Variants in ZBTB8B observed in about 807,000 individuals in gnomAD.
ZBTB8B encodes the protein zinc finger and BTB domain containing 8B, also known as zinc finger and BTB domain-containing protein 8B.
A neutral mutation model predicts 30.3 loss-of-function variants in ZBTB8B; 17 were observed. That is an observed-to-expected ratio of 0.56 (90% CI 0.38 to 0.84). The LOEUF (loss-of-function observed/expected upper bound fraction) is 0.84. Ranked by LOEUF, ZBTB8B falls within the 40% of genes least tolerant of loss-of-function variation. ZBTB8B has a pLI of 0.00. For missense variants in ZBTB8B, 515 were observed against 644.9 expected (o/e 0.80, Z 2.18); for synonymous variants, 248 against 255.6 (o/e 0.97, Z 0.28).
intron 3 of ZBTB8B, 50 bp from the exon 4 acceptor site, chr1:32,485,051 A>G: frequency 3.9e-6 from 6 of 1,528,536 alleles, no homozygotes; most frequent in Non-Finnish European, 4.4e-6. Context: ...CTTGTGGAAA[A>G]CACTCATCTC....
intron 2 of ZBTB8B, among the ~76,000 whole-genome samples, chr1:32,473,488 C>T (rs1643639037): frequency 6.8e-6 from 1 of 147,048 alleles, no homozygotes; most frequent in African/African-American, 2.5e-5. Context: ...TATTTTTATT[C>T]ATTACTAAAT....
intron 2 of ZBTB8B, among the ~76,000 whole-genome samples, chr1:32,475,963 G>A (rs1474214497): frequency 6.6e-6 from 1 of 151,234 alleles, no homozygotes; most frequent in East Asian, 2.0e-4. Flanking sequence ...AATTACCGGC[G>A]GGCATCACCA....
Position 32,485,376 on chromosome 1 carries a change from A to G in ZBTB8B, c.1446A>G (p.Pro482=), listed in dbSNP as rs1305370150. 5 of 1,552,034 alleles carry G rather than the reference A, an allele frequency of 3.2e-6. No individual in the cohort carries two copies. The Admixed American group carries it at 7.8e-5, about 24-fold the overall frequency. Residue 482 remains proline (P), a synonymous_variant, in exon 4 of 4, where the codon CCA becomes CCG. Coordinates refer to ENST00000609129, the MANE Select transcript of ZBTB8B (RefSeq NM_001145720.2). Reference sequence around the variant, plus strand: ...CTGGAGATGATTCTGATGACAAACCACAAATTCAGCCTAACTTATCAGACC... The same window carrying G: ...CTGGAGATGATTCTGATGACAAACCGCAAATTCAGCCTAACTTATCAGACC... ...DPAGDDSDDK[P]QIQPNLSDRE...
In ZBTB8B at chr1:32,487,475, T is replaced by C. The variant is rs2148187752; in HGVS notation, c.*2057T>C. 6.6e-6 allele frequency: 1 copy of C among 152,402 alleles called. No individual in the cohort carries two copies. Among genetic ancestry groups the C allele is most frequent in the South Asian group, 2.1e-4 (1 of 4,822 alleles). The allele number at this position is 152,402 out of a possible 1,614,324, so 9.4% of individuals were successfully genotyped here. ...GGTGCAGAGGTTGGATACCAGCCTG[T>C]ACAGCAGGACCACGTATTGGTCTGC... On this transcript the variant is annotated 3_prime_UTR_variant, in exon 4 of 4. Coordinates refer to ENST00000609129, the MANE Select transcript of ZBTB8B (RefSeq NM_001145720.2).
Position 32,488,822 on chromosome 1 carries a change from G to A in ZBTB8B, c.*3404G>A, listed in dbSNP as rs1333627802. ...ATTTATTTATTTATTTTGAGATGGA[G>A]TTTCATCTTTGTCACCCAGGCTGGA... On this transcript the variant is annotated 3_prime_UTR_variant, in exon 4 of 4. Coordinates refer to ENST00000609129, the MANE Select transcript of ZBTB8B (RefSeq NM_001145720.2). 1 of 152,048 alleles carries A rather than the reference G, an allele frequency of 6.6e-6. No individual in the cohort carries two copies. The highest frequency in any genetic ancestry group is 1.5e-5 in the Non-Finnish European group (1 of 68,014). 9.4% of individuals were successfully genotyped at this position (152,048 alleles called of 1,614,324 possible).
chr1:32,485,078 A>C, intron 3 of ZBTB8B, 23 bp from the exon 4 acceptor site: 1 of 1,548,160 alleles, frequency 6.5e-7, no homozygotes, highest in Non-Finnish European at 8.7e-7. Context: ...TGTGACATCT[A>C]CTGTGTCTGC....
rs528623689 is a variant in ZBTB8B, at chr1:32,467,847, T to C, written c.-41-2737T>C. ...CAACTCAGAGGCCAGGTGTGGTGTC[T>C]CACACCTGTAACCCCAGCACTTTAG... On this transcript the variant is annotated intron_variant, in intron 1 of 3. Transcript: ENST00000609129. Among the ~76,000 whole-genome samples, 457 of 151,800 alleles carry C rather than the reference T, an allele frequency of 3.0e-3. 2 individuals are homozygous for C. Among genetic ancestry groups the C allele is most frequent in the Middle Eastern group, 0.014 (4 of 294 alleles).
chr1:32,474,023 G>A (rs533243554), intron 2 of ZBTB8B, among the ~76,000 whole-genome samples: 1 of 151,478 alleles, frequency 6.6e-6, no homozygotes, highest in African/African-American at 2.4e-5. Context: ...GCTAGTTTTT[G>A]TAGTTTTAGT....
In ZBTB8B at chr1:32,494,726, T is replaced by C. The variant is rs1643804076; in HGVS notation, c.*9308T>C. On this transcript the variant is annotated 3_prime_UTR_variant, in exon 4 of 4. Transcript: ENST00000609129. ...TTTGATTGTAATGTATTCATTTTAC[T>C]TATAAAAAATTTCAAAAGTAAAAAT... The C allele has an allele frequency of 6.6e-6, 1 of 152,186 alleles. No homozygotes were observed. Among genetic ancestry groups the C allele is most frequent in the Non-Finnish European group, 1.5e-5 (1 of 68,030 alleles). The allele number at this position is 152,186 out of a possible 1,614,324, so 9.4% of individuals were successfully genotyped here. A position where few individuals can be genotyped will look rare whatever the true frequency, so the allele number is the denominator to read the frequency against.
rs1313555592 is a variant in ZBTB8B, at chr1:32,470,942, G to A, written c.318G>A (p.Gln106=). ...IEVMSAASYL[Q]MNDVVNFCKT... is the part of the protein sequence containing the mutation. ...TGATGTCGGCTGCCAGCTACCTGCA[G>A]ATGAATGACGTGGTGAACTTCTGCA... is the stretch of plus-strand genomic sequence containing the variant. The change falls in exon 2 of 4, where the codon CAG becomes CAA. Residue 106 remains glutamine (Q), a synonymous_variant. Transcript: ENST00000609129. The A allele has an allele frequency of 6.4e-7, 1 of 1,552,256 alleles. No homozygotes were observed. Among genetic ancestry groups the A allele is most frequent in the Admixed American group, 2.0e-5 (1 of 51,010 alleles).
chr1:32,481,385 T>A (rs1238172315), intron 3 of ZBTB8B, among the ~76,000 whole-genome samples: 1 of 152,146 alleles, frequency 6.6e-6, no homozygotes, highest in Non-Finnish European at 1.5e-5. Flanking sequence ...ATTGTGGATC[T>A]CTTCCTACCA....
rs896636658 is a variant in ZBTB8B, at chr1:32,465,971, C to T, written c.-42+866C>T. 2.6e-5 allele frequency among the ~76,000 whole-genome samples: 4 copies of T among 152,122 alleles called. No individual in the cohort carries two copies. Among genetic ancestry groups the T allele is most frequent in the African/African-American group, 9.7e-5 (4 of 41,416 alleles). On this transcript the variant is annotated intron_variant, in intron 1 of 3. Transcript: ENST00000609129. This position sits in a 1 kb window ranked among gnomAD's most constrained non-coding sequence, Gnocchi z 4.1. ...TAAGGTTGGGAGGATCTCTTGAGCC[C>T]AGGAGTTCCAGGCTGCATTGAGGTA...
chr1:32,468,849 A>G (rs1020007314), intron 1 of ZBTB8B, among the ~76,000 whole-genome samples: 3 of 149,924 alleles, frequency 2.0e-5, no homozygotes, highest in Non-Finnish European at 4.4e-5. Flanking sequence ...CGAGAGAGGG[A>G]GAATCTGTCT....
chr1:32,466,414 C>T (rs1643570866), intron 1 of ZBTB8B, among the ~76,000 whole-genome samples: 1 of 152,076 alleles, frequency 6.6e-6, no homozygotes, highest in Admixed American at 6.6e-5. Flanking sequence ...TGAGTTGGAA[C>T]CGTGGGATGG....
Position 32,471,839 on chromosome 1 carries a change from AG to A in ZBTB8B, c.991+225del, listed in dbSNP as rs1459192591. 4.6e-5 allele frequency among the ~76,000 whole-genome samples: 7 copies of A among 152,048 alleles called. 1 individual carries two copies. The highest frequency in any genetic ancestry group is 3.9e-4 in the Admixed American group (6 of 15,256). On this transcript the variant is annotated intron_variant, in intron 2 of 3. Coordinates refer to ENST00000609129, the MANE Select transcript of ZBTB8B (RefSeq NM_001145720.2). ...CAGTACCATCATTACCATCATCACC[AG>A]TACCATCATCATCATTACCATCATC...
chr1:32,480,032 G>A (rs1383303133), intron 2 of ZBTB8B, among the ~76,000 whole-genome samples: 1 of 152,192 alleles, frequency 6.6e-6, no homozygotes, highest in Admixed American at 6.5e-5. Context: ...CTAGAAATCT[G>A]ATCCATCATA....
chr1:32,474,872 G>A (rs1028581327), intron 2 of ZBTB8B, among the ~76,000 whole-genome samples: 2 of 152,234 alleles, frequency 1.3e-5, no homozygotes, highest in African/African-American at 4.8e-5. Flanking sequence ...TAAACAAACA[G>A]TGAAAGCAAC....
In ZBTB8B at chr1:32,489,347, A is replaced by G. The variant is rs1643765264; in HGVS notation, c.*3929A>G. On this transcript the variant is annotated 3_prime_UTR_variant, in exon 4 of 4. Transcript: ENST00000609129. ...ACAGAATGTGACACCTAATGTTTAA[A>G]TGATTCTCTTTCTTTCGTAATATCT... 1.3e-5 allele frequency: 2 copies of G among 152,212 alleles called. No individual in the cohort carries two copies. The highest frequency in any genetic ancestry group is 6.5e-5 in the Admixed American group (1 of 15,284). 9.4% of individuals were successfully genotyped at this position (152,212 alleles called of 1,614,324 possible).
Position 32,484,229 on chromosome 1 carries a change from C to T in ZBTB8B, c.1171-872C>T, listed in dbSNP as rs972108547. 3.4e-4 allele frequency among the ~76,000 whole-genome samples: 51 copies of T among 151,820 alleles called. No homozygotes were observed. The highest frequency in any genetic ancestry group is 8.5e-4 in the Admixed American group (13 of 15,208). On this transcript the variant is annotated intron_variant, in intron 3 of 3. Coordinates refer to ENST00000609129, the MANE Select transcript of ZBTB8B (RefSeq NM_001145720.2). This position sits in a 1 kb window ranked among gnomAD's most constrained non-coding sequence, Gnocchi z 4.5. ...TCTCTGGAAAAAAAAAAAAAAAATC[C>T]CAATCAGTTCACTTTCATTTGAGTG...
Sources: allele counts gnomAD v4.1 joint callset (sites outside exome capture counted in the v4.1 genomes callset), GRCh38; gene constraint gnomAD v4.1.1; non-coding constraint Gnocchi (gnomAD v3.1); transcripts MANE v1.5; gene names NCBI Gene and HGNC (gene_info 2026-07-23, HGNC 2026-07-21).